The following FGF12 variants were observed in gnomAD, a reference collection of about 807,000 sequenced individuals.
FGF12 encodes the protein fibroblast growth factor 12.
A neutral mutation model predicts 23.6 loss-of-function variants in FGF12; 14 were observed. That is an observed-to-expected ratio of 0.59 (90% CI 0.39 to 0.93). FGF12 has a LOEUF of 0.93. FGF12 is among the 40% of genes least tolerant of loss of function. FGF12 has a pLI of 0.00. For missense variants in FGF12, 175 were observed against 217.8 expected (o/e 0.80, Z 1.24); for synonymous variants, 62 against 77.3 (o/e 0.80, Z 1.04).
At chr3:192,665,609 G>A (rs996893692) in intron 2 of FGF12, among the ~76,000 whole-genome samples, 2 of 150,540 alleles carry the variant, frequency 1.3e-5, no homozygotes, top group Non-Finnish European at 1.5e-5. Flanking sequence ...CCTTTTGGGG[G>A]TGGGGGGCAA....
intron 2 of FGF12, among the ~76,000 whole-genome samples, chr3:192,621,246 C>T (rs1009504448): frequency 3.3e-5 from 5 of 152,222 alleles, no homozygotes; most frequent in Admixed American, 6.5e-5. Context: ...GAGAAATGTA[C>T]TTCCTCAATG....
intron 2 of FGF12, among the ~76,000 whole-genome samples, chr3:192,449,422 T>C (rs2108800889): frequency 6.6e-6 from 1 of 152,274 alleles, no homozygotes; most frequent in African/African-American, 2.4e-5. Flanking sequence ...AGTGATCATC[T>C]TGCCATGGAT....
intron 2 of FGF12, among the ~76,000 whole-genome samples, chr3:192,562,224 T>C (rs1439461709): frequency 6.6e-6 from 1 of 152,070 alleles, no homozygotes; most frequent in African/African-American, 2.4e-5. Flanking sequence ...AATTAGATAA[T>C]TGGTTGTGGG....
chr3:192,562,132 A>G (rs1712070026), intron 2 of FGF12, among the ~76,000 whole-genome samples: 1 of 152,196 alleles, frequency 6.6e-6, no homozygotes, highest in African/African-American at 2.4e-5. Context: ...TTTGTTTAGG[A>G]AGAAGTTTCA....
chr3:192,566,133 A>T (rs1418392398), intron 2 of FGF12, among the ~76,000 whole-genome samples: 1 of 152,216 alleles, frequency 6.6e-6, no homozygotes, highest in Non-Finnish European at 1.5e-5. Flanking sequence ...AGGCATTAGT[A>T]GTATCATATT....
chr3:192,614,594 C>T (rs1989236), intron 2 of FGF12, among the ~76,000 whole-genome samples: 34,992 of 151,890 alleles, frequency 0.23, 4,099 homozygotes, highest in African/African-American at 0.29. Flanking sequence ...CTTTGTATTG[C>T]TACAAATGGT....
intron 4 of FGF12, among the ~76,000 whole-genome samples, chr3:192,272,124 A>G (rs1713479117): frequency 6.6e-6 from 1 of 152,228 alleles, no homozygotes; most frequent in Admixed American, 6.5e-5. Flanking sequence ...GCATTAAAAA[A>G]TTAATGGCCC....
chr3:192,448,933 A>G (rs2108800617), intron 2 of FGF12, among the ~76,000 whole-genome samples: 1 of 152,360 alleles, frequency 6.6e-6, no homozygotes, highest in South Asian at 2.1e-4. Flanking sequence ...CAGCAGAATC[A>G]GTCTGATCCA....
intron 3 of FGF12, among the ~76,000 whole-genome samples, chr3:192,339,610 G>C (rs1478563462): frequency 6.6e-6 from 1 of 151,930 alleles, no homozygotes; most frequent in Non-Finnish European, 1.5e-5. Context: ...TCTCTTTTTG[G>C]AAAGCTTATC....
Position 192,400,422 on chromosome 3 carries a change from G to A in FGF12, c.14-39884C>T, listed in dbSNP as rs559808395. On this transcript the variant is annotated intron_variant, in intron 2 of 5. Transcript: ENST00000445105. ...CTCGCCATGTGGCCCGGGCTGGAGT[G>A]CAATGACACGACCTTGGCTCATTGC... 3.9e-4 allele frequency among the ~76,000 whole-genome samples: 56 copies of A among 144,944 alleles called. No homozygotes were observed. The South Asian group carries it at 4.1e-3, about 11-fold the overall frequency.
intron 2 of FGF12, among the ~76,000 whole-genome samples, chr3:192,401,465 T>C (rs1454849305): frequency 6.6e-6 from 1 of 152,218 alleles, no homozygotes; most frequent in Non-Finnish European, 1.5e-5. Context: ...GAAAATCGTT[T>C]TGACCTTCTG....
intron 2 of FGF12, among the ~76,000 whole-genome samples, chr3:192,467,883 AAAAG>A (rs1471418819): frequency 6.6e-6 from 1 of 152,168 alleles, no homozygotes; most frequent in Non-Finnish European, 1.5e-5. Context: ...AAGAGGCTCT[AAAAG>A]AAGTCTTCAG....
intron 2 of FGF12, among the ~76,000 whole-genome samples, chr3:192,621,690 CAAAAAA>C (rs5855441): frequency 9.5e-5 from 9 of 94,386 alleles, no homozygotes; most frequent in African/African-American, 3.2e-4. Context: ...GATACAAATA[CAAAAAA>C]AAAAAAAAAA....
intron 2 of FGF12, among the ~76,000 whole-genome samples, chr3:192,534,952 T>A (rs1399639130): frequency 6.6e-6 from 1 of 152,184 alleles, no homozygotes; most frequent in Non-Finnish European, 1.5e-5. Flanking sequence ...GTCTAACTTT[T>A]ACCTTACACA....
Position 192,463,381 on chromosome 3 carries a change from A to G in FGF12, c.14-102843T>C, listed in dbSNP as rs10212113. 8.8e-3 allele frequency among the ~76,000 whole-genome samples: 1,337 copies of G among 152,112 alleles called. 18 individuals carry two copies. The highest frequency in any genetic ancestry group is 0.03 in the African/African-American group (1,227 of 41,482). ...GTTGCAGTGAGCTGAGGTTGCACCAATGCACTCCAGCCTGGGTGACAGAGT... is the reference window on the plus strand; with the variant it reads ...GTTGCAGTGAGCTGAGGTTGCACCAGTGCACTCCAGCCTGGGTGACAGAGT... On this transcript the variant is annotated intron_variant, in intron 2 of 5. Coordinates refer to ENST00000445105, the MANE Select transcript of FGF12 (RefSeq NM_004113.6).
At chr3:192,295,532 A>C (rs1318481158) in intron 4 of FGF12, among the ~76,000 whole-genome samples, 1 of 152,224 alleles carries the variant, frequency 6.6e-6, no homozygotes, top group Non-Finnish European at 1.5e-5. Context: ...CCAAGTGTGG[A>C]TATATCAAAT....
intron 5 of FGF12, among the ~76,000 whole-genome samples, chr3:192,144,791 A>G (rs979404410): frequency 1.3e-5 from 2 of 152,194 alleles, no homozygotes; most frequent in Non-Finnish European, 2.9e-5. Context: ...TCTGGCTGTA[A>G]AGTTCAGTCA....
intron 2 of FGF12, among the ~76,000 whole-genome samples, chr3:192,620,901 G>A (rs1025009873): frequency 6.6e-6 from 1 of 152,064 alleles, no homozygotes; most frequent in Non-Finnish European, 1.5e-5. Flanking sequence ...CTAGGTCTAC[G>A]TATATACCAG....
At chr3:192,671,722 T>C (rs903796714) in intron 2 of FGF12, among the ~76,000 whole-genome samples, 2 of 152,010 alleles carry the variant, frequency 1.3e-5, no homozygotes, top group African/African-American at 4.8e-5. Context: ...GGGGAGAAAC[T>C]GAAGGCTGCG....
Sources: allele counts gnomAD v4.1 joint callset (sites outside exome capture counted in the v4.1 genomes callset), GRCh38; gene constraint gnomAD v4.1.1; transcripts MANE v1.5; gene names NCBI Gene and HGNC (gene_info 2026-07-23, HGNC 2026-07-21).